The following STK3 variants were observed in gnomAD, a reference collection of about 807,000 sequenced individuals.
STK3 encodes serine/threonine kinase 3, also known as serine/threonine-protein kinase 3.
In STK3, 41 loss-of-function variants were observed where a neutral mutation model predicts 58.0. That is an observed-to-expected ratio of 0.71 (90% CI 0.55 to 0.92). The LOEUF (loss-of-function observed/expected upper bound fraction) is 0.92. STK3 is among the 40% of genes least tolerant of loss of function. The pLI, the probability that STK3 is intolerant of heterozygous loss-of-function variation, is 0.00. For missense variants in STK3, 479 were observed against 602.7 expected, an observed-to-expected ratio of 0.79 and a Z score of 2.15; for synonymous variants, 170 against 191.0, an observed-to-expected ratio of 0.89 and a Z score of 0.91.
chr8:98,770,635 T>C (rs1831251650), intron 2 of STK3, among the ~76,000 whole-genome samples: 1 of 152,156 alleles, frequency 6.6e-6, no homozygotes, highest in African/African-American at 2.4e-5. Flanking sequence ...AGAATGGATA[T>C]ATATTATAAG....
chr8:98,696,129 G>A (rs1824896643), intron 6 of STK3, among the ~76,000 whole-genome samples: 1 of 152,166 alleles, frequency 6.6e-6, no homozygotes, highest in African/African-American at 2.4e-5. Context: ...TGAAGCAATT[G>A]TGAATGGGAG....
intron 2 of STK3, among the ~76,000 whole-genome samples, chr8:98,376,673 G>A (rs912625590): frequency 2.6e-5 from 4 of 152,158 alleles, no homozygotes; most frequent in Admixed American, 6.5e-5. Flanking sequence ...GAGAATGTAC[G>A]TTACTTAACT....
At chr8:98,533,182 G>A (rs1348153586) in intron 9 of STK3, among the ~76,000 whole-genome samples, 2 of 152,074 alleles carry the variant, frequency 1.3e-5, no homozygotes, top group South Asian at 2.1e-4. Context: ...CTATGAACAT[G>A]AGTATAGAAA....
downstream of STK3, among the ~76,000 whole-genome samples, chr8:98,453,080 GT>G (rs919288019): frequency 1.5e-3 from 61 of 39,678 alleles, no homozygotes; most frequent in Middle Eastern, 0.017. Flanking sequence ...TTTCTTTCTT[GT>G]TTTTTTTTTT....
intron 1 of STK3, among the ~76,000 whole-genome samples, chr8:98,797,909 A>G (rs1833282430): frequency 6.6e-6 from 1 of 152,222 alleles, no homozygotes; most frequent in African/African-American, 2.4e-5. Flanking sequence ...CCGAGCAGAG[A>G]AAGAAATTTT....
intron 3 of STK3, among the ~76,000 whole-genome samples, chr8:98,404,982 A>G (rs1817979497): frequency 6.6e-6 from 1 of 152,240 alleles, no homozygotes; most frequent in Admixed American, 6.5e-5. Flanking sequence ...GTTAAGGACC[A>G]GTCCTGAATA....
At chr8:98,573,719 A>G (rs1813158517) in intron 8 of STK3, among the ~76,000 whole-genome samples, 1 of 152,170 alleles carries the variant, frequency 6.6e-6, no homozygotes, top group Non-Finnish European at 1.5e-5. Flanking sequence ...GAGACAAGGC[A>G]AGTCCTTTAC....
At chr8:98,692,256 T>C (rs1255487688) in intron 6 of STK3, among the ~76,000 whole-genome samples, 1 of 152,292 alleles carries the variant, frequency 6.6e-6, no homozygotes, top group Admixed American at 6.5e-5. Flanking sequence ...GAATTGATGA[T>C]TGTGGATCCA....
At position 98,482,502 on chromosome 8, in the gene STK3, T is replaced by C. The variant is rs531742028; in HGVS notation, c.1318-26502A>G. On this transcript the variant is annotated intron_variant, in intron 10 of 10. Transcript: ENST00000419617. ...AGCAATGCCAGGATGGATAAAGACATGTTTTCTCGCATTTAGGTAACTTTG... is the reference window on the plus strand; with the variant it reads ...AGCAATGCCAGGATGGATAAAGACACGTTTTCTCGCATTTAGGTAACTTTG... Among the ~76,000 whole-genome samples the C allele has an allele frequency of 1.8e-4, 27 of 152,308 alleles. No individual in the cohort carries two copies. In the South Asian group the frequency reaches 5.4e-3, roughly 30 times the overall value.
chr8:98,420,311 A>G (rs997659568), intron 3 of STK3, among the ~76,000 whole-genome samples: 2 of 152,196 alleles, frequency 1.3e-5, no homozygotes, highest in African/African-American at 4.8e-5. Flanking sequence ...CCTCAGGGCC[A>G]CAGTGATGTC....
chr8:98,804,953 T>C (rs574542826), intron 1 of STK3, among the ~76,000 whole-genome samples: 1 of 152,304 alleles, frequency 6.6e-6, no homozygotes, highest in South Asian at 2.1e-4. Context: ...CAAGATACTC[T>C]TCCTCCAGGG....
chr8:98,902,402 C>A (rs1838691121), intron 1 of STK3, among the ~76,000 whole-genome samples: 1 of 152,182 alleles, frequency 6.6e-6, no homozygotes, highest in Non-Finnish European at 1.5e-5. Context: ...TCTTAACACC[C>A]CAATACACAT....
intron 1 of STK3, among the ~76,000 whole-genome samples, chr8:98,922,811 A>G (rs1188487758): frequency 6.6e-6 from 1 of 152,256 alleles, no homozygotes; most frequent in African/African-American, 2.4e-5. Context: ...ATTATGGTTT[A>G]TCAAAGTACA....
chr8:98,602,103 A>G (rs2130068141), intron 6 of STK3: 1 of 152,362 alleles, frequency 6.6e-6, no homozygotes, highest in African/African-American at 2.4e-5. Flanking sequence ...TCAACTTCAG[A>G]ACTTTCCATA....
chr8:98,695,288 G>C (rs200820193), intron 6 of STK3, among the ~76,000 whole-genome samples: 54 of 152,132 alleles, frequency 3.5e-4, no homozygotes, highest in South Asian at 2.3e-3. Flanking sequence ...TCCTCCCATT[G>C]TGTAGGCTGC....
rs574905229 is a variant in STK3, at chr8:98,905,093, A to T, written c.-78-21259T>A. On this transcript the variant is annotated intron_variant, in intron 1 of 1. Coordinates refer to the STK3 transcript ENST00000519420. ...TGTGAACTGCTGCATATTGTTCATT[A>T]CACTGCTCAGTAAAGTCTGCCACAC... 33 of 1,401,614 alleles carry T rather than the reference A, an allele frequency of 2.4e-5. No homozygotes were observed. The African/African-American group carries it at 3.9e-4, about 17-fold the overall frequency. The allele number at this position is 1,401,614 out of a possible 1,614,324, so 86.8% of individuals were successfully genotyped here. A position where few individuals can be genotyped will look rare whatever the true frequency, so the allele number is the denominator to read the frequency against.
intron 6 of STK3, among the ~76,000 whole-genome samples, chr8:98,656,113 A>C (rs1169750273): frequency 1.3e-5 from 2 of 152,228 alleles, no homozygotes; most frequent in Non-Finnish European, 2.9e-5. Flanking sequence ...AGACTGGATT[A>C]AGAAAATGTG....
chr8:98,601,491 TC>T (rs1229321004), intron 6 of STK3: 7 of 152,186 alleles, frequency 4.6e-5, no homozygotes, highest in Non-Finnish European at 8.8e-5. Flanking sequence ...AGTCCTATGA[TC>T]AGTTCAACTG....
At chr8:98,351,840 C>T in the STK3 span, among the ~76,000 whole-genome samples, 1 of 152,150 alleles carries the variant, frequency 6.6e-6, no homozygotes, top group African/African-American at 2.4e-5. Flanking sequence ...ATTTGTCACA[C>T]CAGTCAGCAA....
Sources: allele counts gnomAD v4.1 joint callset (sites outside exome capture counted in the v4.1 genomes callset), GRCh38; gene constraint gnomAD v4.1.1; transcripts MANE v1.5; gene names NCBI Gene and HGNC (gene_info 2026-07-23, HGNC 2026-07-21).